GUCY1A2: variants seen among roughly 807,000 people sequenced by gnomAD.
GUCY1A2 encodes guanylate cyclase 1 soluble subunit alpha 2, also known as guanylate cyclase soluble subunit alpha-2.
In GUCY1A2, 27 loss-of-function variants were observed where a neutral mutation model predicts 63.5. That is an observed-to-expected ratio of 0.43 (90% CI 0.31 to 0.59). The LOEUF is 0.59. GUCY1A2 is among the 20% of genes least tolerant of loss of function. The probability of loss-of-function intolerance (pLI) is 0.11; values close to 1 mark genes in which losing one functional copy is unlikely to be tolerated. For synonymous variants in GUCY1A2, 364 were observed against 343.5 expected (o/e 1.06, Z -0.66); for missense variants, 768 against 913.3 (o/e 0.84, Z 2.05).
intron 4 of GUCY1A2, among the ~76,000 whole-genome samples, chr11:106,899,902 G>A (rs1860105085): frequency 6.6e-6 from 1 of 151,970 alleles, no homozygotes; most frequent in Non-Finnish European, 1.5e-5. Flanking sequence ...GGCTAACATG[G>A]TGAAATCCTG....
chr11:106,798,925 C>A (rs1426151233), intron 5 of GUCY1A2, among the ~76,000 whole-genome samples: 1 of 152,082 alleles, frequency 6.6e-6, no homozygotes, highest in African/African-American at 2.4e-5. Context: ...GGCAATCAGG[C>A]AGGAGAGAGA....
rs151281168 is a variant in GUCY1A2 at position 106,984,942 on chromosome 11, T to G, written c.365+1128A>C. 1.9e-3 allele frequency among the ~76,000 whole-genome samples: 294 copies of G among 152,298 alleles called. 3 individuals carry two copies. The highest frequency in any genetic ancestry group is 6.8e-3 in the African/African-American group (282 of 41,570). On this transcript the variant is annotated intron_variant, in intron 2 of 7. Transcript: ENST00000526355. Reference sequence around the variant, plus strand: ...AGAACTACACTCTTGAGGATAAGTATGACAAAGTTTCAAAGCAATTCCCTT... The same window carrying G: ...AGAACTACACTCTTGAGGATAAGTAGGACAAAGTTTCAAAGCAATTCCCTT...
chr11:106,878,765 C>A (rs1174760460), intron 4 of GUCY1A2, among the ~76,000 whole-genome samples: 1 of 138,862 alleles, frequency 7.2e-6, no homozygotes, highest in Non-Finnish European at 1.5e-5. Context: ...TGCACGTGTA[C>A]CTTTCAACTT....
intron 6 of GUCY1A2, among the ~76,000 whole-genome samples, chr11:106,744,956 A>T (rs1054108138): frequency 1.3e-5 from 2 of 151,936 alleles, no homozygotes; most frequent in South Asian, 2.1e-4. Flanking sequence ...TTTGAATTTT[A>T]AAAAAAATCT....
chr11:106,704,969 T>TA (rs1862882940), intron 7 of GUCY1A2, among the ~76,000 whole-genome samples: 1 of 151,576 alleles, frequency 6.6e-6, no homozygotes, highest in East Asian at 1.9e-4. Context: ...CCATATCCCA[T>TA]AAAAAACTTA....
chr11:106,810,242 C>T lies in GUCY1A2; in HGVS notation c.1443G>A (p.Gln481=). 1 of 1,613,912 alleles carries T rather than the reference C, an allele frequency of 6.2e-7. No individual in the cohort carries two copies. Among genetic ancestry groups the T allele is most frequent in the South Asian group, 1.1e-5 (1 of 91,076 alleles). ...KLKATLERTH[Q]ALEEEKKKTV... is the part of the protein sequence containing the mutation. The stretch of plus-strand genomic sequence containing the variant: ...TCTTCTTTTTCTCTTCTTCCAGGGC[C>T]TGGTGAGTTCTTTCTAAAGTTGCCT... The change falls in exon 5 of 8, where the codon CAG becomes CAA. Residue 481 remains glutamine (Q), a synonymous_variant. Transcript: ENST00000526355.
intron 6 of GUCY1A2, among the ~76,000 whole-genome samples, chr11:106,729,990 C>T (rs896422854): frequency 6.1e-5 from 9 of 147,000 alleles, no homozygotes; most frequent in Admixed American, 4.8e-4. Flanking sequence ...TAAACAGGCA[C>T]ATTATTCTCA....
intron 4 of GUCY1A2, chr11:106,824,977 T>C: frequency 6.2e-7 from 1 of 1,612,132 alleles, no homozygotes; most frequent in Non-Finnish European, 8.5e-7. Flanking sequence ...TACTAAATTT[T>C]CTAATTAAAG....
At chr11:106,729,988 C>T (rs1863471776) in intron 6 of GUCY1A2, among the ~76,000 whole-genome samples, 1 of 147,372 alleles carries the variant, frequency 6.8e-6, no homozygotes, top group Non-Finnish European at 1.5e-5. Context: ...CATAAACAGG[C>T]ACATTATTCT....
intron 1 of GUCY1A2, among the ~76,000 whole-genome samples, chr11:106,995,007 CGAT>C (rs144816986): frequency 0.021 from 3,252 of 152,128 alleles, 95 homozygotes; most frequent in African/African-American, 0.072. Context: ...ATGAAAATAC[CGAT>C]GATAAGACAA....
intron 6 of GUCY1A2, among the ~76,000 whole-genome samples, chr11:106,712,859 T>G (rs1294059898): frequency 2.0e-5 from 3 of 152,200 alleles, no homozygotes; most frequent in Non-Finnish European, 4.4e-5. Flanking sequence ...CTTTTCCATA[T>G]GATCTTTTGG....
intron 3 of GUCY1A2, among the ~76,000 whole-genome samples, chr11:106,942,056 C>T (rs1860758978): frequency 6.6e-6 from 1 of 152,166 alleles, no homozygotes; most frequent in Admixed American, 6.5e-5. Flanking sequence ...TAGTACTTAT[C>T]TGTCCAGTTC....
chr11:107,011,255 C>T (rs1861740137), intron 1 of GUCY1A2, among the ~76,000 whole-genome samples: 1 of 152,054 alleles, frequency 6.6e-6, no homozygotes, highest in Non-Finnish European at 1.5e-5. Context: ...TTCCTAGTAA[C>T]TCATGATCAA....
chr11:106,735,135 T>A (rs1388626687), intron 6 of GUCY1A2, among the ~76,000 whole-genome samples: 1 of 152,050 alleles, frequency 6.6e-6, no homozygotes, highest in Non-Finnish European at 1.5e-5. Flanking sequence ...TTTATTTGAG[T>A]TATAAAGATT....
chr11:106,999,192 T>C (rs1861581313), intron 1 of GUCY1A2, among the ~76,000 whole-genome samples: 1 of 152,226 alleles, frequency 6.6e-6, no homozygotes, highest in Admixed American at 6.5e-5. Flanking sequence ...ATGTACATAG[T>C]ACAATTTATC....
intron 6 of GUCY1A2, among the ~76,000 whole-genome samples, chr11:106,730,059 AATATATAT>A (rs60486225): frequency 0.047 from 4,886 of 103,286 alleles, 181 homozygotes; most frequent in East Asian, 0.11. Context: ...ATCAGCATGG[AATATATAT>A]ATATATATAT....
intron 4 of GUCY1A2, among the ~76,000 whole-genome samples, chr11:106,869,834 C>T (rs568021851): frequency 7.2e-5 from 11 of 151,942 alleles, no homozygotes; most frequent in Admixed American, 3.3e-4. Context: ...CTACTCACAA[C>T]AGCAAAGACT....
chr11:106,796,945 C>A (rs1014519822), intron 5 of GUCY1A2, among the ~76,000 whole-genome samples: 12 of 152,078 alleles, frequency 7.9e-5, no homozygotes, highest in Non-Finnish European at 1.6e-4. Context: ...TTCACATAGT[C>A]CCATATTTCT....
At chr11:106,754,808 A>C (rs1863944546) in intron 6 of GUCY1A2, among the ~76,000 whole-genome samples, 1 of 152,146 alleles carries the variant, frequency 6.6e-6, no homozygotes, top group South Asian at 2.1e-4. Context: ...ATATTGGCCT[A>C]ACATTCTCTT....
Sources: gnomAD v4.1 joint callset for allele counts (sites outside exome capture counted in the v4.1 genomes callset) on GRCh38, gnomAD v4.1.1 for gene constraint, MANE v1.5 for transcripts, NCBI Gene and HGNC (gene_info 2026-07-23, HGNC 2026-07-21) for gene names.